ERCC6L: variants seen among roughly 807,000 people sequenced by gnomAD.
ERCC6L encodes ERCC excision repair 6 like, spindle assembly checkpoint helicase, also known as DNA excision repair protein ERCC-6-like.
ERCC6L carries 7 observed loss-of-function variants against 20.1 expected under a neutral mutation model. The ratio of observed to expected loss-of-function variants is 0.35; its 90% CI spans 0.20 to 0.65. The LOEUF (loss-of-function observed/expected upper bound fraction) is 0.65. Ranked by LOEUF, ERCC6L falls within the 30% of genes least tolerant of loss-of-function variation. The probability of loss-of-function intolerance (pLI) is 0.69; values close to 1 mark genes in which losing one functional copy is unlikely to be tolerated. For missense variants in ERCC6L, 592 were observed against 892.4 expected (o/e 0.66, Z 4.29); for synonymous variants, 278 against 331.3 (o/e 0.84, Z 1.75).
chrX:72,225,323 C>T (rs1418087953), intron 1 of ERCC6L, among the ~76,000 whole-genome samples: 1 of 112,151 alleles, frequency 8.9e-6, no homozygotes, highest in Non-Finnish European at 1.9e-5. Context: ...AATTAGACCT[C>T]TCCCAGCTAC....
chrX:72,205,100 A>G lies in ERCC6L; in HGVS notation c.3667T>C (p.Leu1223=). The change falls in exon 2 of 2, where the codon TTA becomes CTA. Residue 1223 remains leucine, a synonymous_variant. Coordinates refer to ENST00000334463, the MANE Select transcript of ERCC6L (RefSeq NM_017669.4). Reference sequence around the variant, plus strand: ...CTTTTTATGTCAAGCGCTTTAACTAAGCAGTTTAGGGCCTCCTGGATTTTT... The same window carrying G: ...CTTTTTATGTCAAGCGCTTTAACTAGGCAGTTTAGGGCCTCCTGGATTTTT... The part of the protein sequence containing the change: ...CGKIQEALNC[L]VKALDIKSAD... 1 of 1,211,674 alleles carries G rather than the reference A, an allele frequency of 8.3e-7. No individual in the cohort carries two copies. Among genetic ancestry groups the G allele is most frequent in the African/African-American group, 1.7e-5 (1 of 57,857 alleles).
intron 1 of ERCC6L, among the ~76,000 whole-genome samples, chrX:72,223,397 A>G (rs1014784326): frequency 9.5e-6 from 1 of 105,070 alleles, no homozygotes; most frequent in South Asian, 4.5e-4. Flanking sequence ...GACCTCCTAA[A>G]TGCGGCCTTT....
rs749542997 is a variant in ERCC6L, at chrX:72,238,948, T to TTTGGAGCTTGGAGCTTGGAGC, written c.-58_-38dup. Reference sequence around the variant, plus strand: ...TGGGTTCCAGTTACCCCGGCGGGAGTTTGGAGCTTGGAGCTTGGAGCTTGG... The same window carrying TTTGGAGCTTGGAGCTTGGAGC: ...TGGGTTCCAGTTACCCCGGCGGGAGTTTGGAGCTTGGAGCTTGGAGCTTGGAGCTTGGAGCTTGGAGCTTGG... On this transcript the variant is annotated 5_prime_UTR_variant, in exon 1 of 2. Transcript: ENST00000334463. The TTTGGAGCTTGGAGCTTGGAGC allele has an allele frequency of 1.8e-4, 204 of 1,113,297 alleles. No individual in the cohort carries two copies. The highest frequency in any genetic ancestry group is 1.1e-3 in the African/African-American group (63 of 54,946). The allele number at this position is 1,113,297 out of a possible 1,213,427, so 91.7% of individuals were successfully genotyped here. A position where few individuals can be genotyped will look rare whatever the true frequency, so the allele number is the denominator to read the frequency against.
At chrX:72,225,702 C>T (rs908665377) in intron 1 of ERCC6L, among the ~76,000 whole-genome samples, 2 of 111,708 alleles carry the variant, frequency 1.8e-5, no homozygotes, top group Non-Finnish European at 3.8e-5. Context: ...TGACCAACCA[C>T]TCACTCCCAC....
chrX:72,234,361 G>A (rs1173672986), intron 1 of ERCC6L, among the ~76,000 whole-genome samples: 2 of 111,824 alleles, frequency 1.8e-5, no homozygotes, highest in African/African-American at 6.5e-5. Flanking sequence ...TGAAGATTGA[G>A]AATTGACTGT....
intron 1 of ERCC6L, among the ~76,000 whole-genome samples, chrX:72,230,677 T>G (rs1432803283): frequency 8.9e-6 from 1 of 111,944 alleles, no homozygotes; most frequent in Non-Finnish European, 1.9e-5. Flanking sequence ...GCATGGACAT[T>G]CTGGGCTGGG....
At chrX:72,218,723 T>C (rs1207613689) in intron 1 of ERCC6L, among the ~76,000 whole-genome samples, 1 of 111,255 alleles carries the variant, frequency 9.0e-6, no homozygotes. Context: ...GCTCATCAAT[T>C]TCTACAAAAA....
intron 1 of ERCC6L, among the ~76,000 whole-genome samples, chrX:72,221,475 C>T (rs926974956): frequency 9.0e-6 from 1 of 111,088 alleles, no homozygotes; most frequent in Non-Finnish European, 1.9e-5. Context: ...AGAACAAAAA[C>T]AGACACCCTC....
chrX:72,238,983 CTTAGAGT>C lies in ERCC6L; in HGVS notation c.-79_-73del. On this transcript the variant is annotated 5_prime_UTR_variant, in exon 1 of 2. Transcript: ENST00000334463. The stretch of plus-strand genomic sequence containing the variant: ...GGAGCTTGGAGCTTGGAGCTTGGAG[CTTAGAGT>C]TTGGAGCTTGAATTTCGCTCACTCC... 7.2e-5 allele frequency: 74 copies of C among 1,026,393 alleles called. No homozygotes were observed. Among genetic ancestry groups the C allele is most frequent in the Non-Finnish European group, 9.4e-5 (70 of 747,356 alleles). The allele number at this position is 1,026,393 out of a possible 1,213,427, so 84.6% of individuals were successfully genotyped here. A position where few individuals can be genotyped will look rare whatever the true frequency, so the allele number is the denominator to read the frequency against.
intron 1 of ERCC6L, among the ~76,000 whole-genome samples, chrX:72,224,686 A>G (rs4240012): frequency 0.42 from 46,490 of 110,067 alleles, 8,911 homozygotes; most frequent in East Asian, 0.98. Context: ...TGGAGGTTGC[A>G]GCAAGCCAAG....
At chrX:72,217,916 A>G (rs981745736) in intron 1 of ERCC6L, among the ~76,000 whole-genome samples, 2 of 111,532 alleles carry the variant, frequency 1.8e-5, no homozygotes, top group Non-Finnish European at 3.8e-5. Flanking sequence ...CTTTGTCGTA[A>G]GTTTTGAATT....
chrX:72,221,381 T>C (rs1183533661), intron 1 of ERCC6L, among the ~76,000 whole-genome samples: 1 of 111,758 alleles, frequency 8.9e-6, no homozygotes, highest in Non-Finnish European at 1.9e-5. Context: ...GAAGAAATCT[T>C]GGGGATGCCC....
chrX:72,206,371 A>G lies in ERCC6L; in HGVS notation c.2396T>C (p.Leu799Ser), dbSNP rs2042820156. 3 of 1,208,496 alleles carry G rather than the reference A, an allele frequency of 2.5e-6. No homozygotes were observed. The highest frequency in any genetic ancestry group is 2.2e-6 in the Non-Finnish European group (2 of 894,421). The part of the protein sequence containing the change: ...LSSIKVNVTT[L>S]QDGKGTGSAD... ...ACTACCTGTACCTTTACCATCTTGC[A>G]AGGTGGTAACATTCACCTTTATACT... The change falls in exon 2 of 2, where the codon TTG becomes TCG. Residue 799 changes from leucine to serine, a missense_variant. Coordinates refer to ENST00000334463, the MANE Select transcript of ERCC6L (RefSeq NM_017669.4).
chrX:72,227,509 T>C (rs1168709536), intron 1 of ERCC6L, among the ~76,000 whole-genome samples: 1 of 111,972 alleles, frequency 8.9e-6, no homozygotes, highest in African/African-American at 3.3e-5. Context: ...TTTGAACTCA[T>C]GTATGGGAAA....
Position 72,204,901 on chromosome X carries a change from G to T in ERCC6L, c.*113C>A. The T allele has an allele frequency of 1.5e-6, 1 of 668,495 alleles. No homozygotes were observed. Among genetic ancestry groups the T allele is most frequent in the Non-Finnish European group, 2.1e-6 (1 of 468,695 alleles). The allele number at this position is 668,495 out of a possible 1,213,427, so 55.1% of individuals were successfully genotyped here. Reference sequence around the variant, plus strand: ...TTGCAGGGCAGAAGTTGCTTTTTGAGATCTTTCTTGCCTTAAGCCTGAATG... The same window carrying T: ...TTGCAGGGCAGAAGTTGCTTTTTGATATCTTTCTTGCCTTAAGCCTGAATG... On this transcript the variant is annotated 3_prime_UTR_variant, in exon 2 of 2. Transcript: ENST00000334463.
intron 1 of ERCC6L, among the ~76,000 whole-genome samples, chrX:72,220,393 C>T (rs531945738): frequency 8.1e-5 from 9 of 111,682 alleles, no homozygotes; most frequent in East Asian, 5.6e-4. Context: ...CCTCATTCAG[C>T]GGGAGCATCG....
At chrX:72,213,109 T>C (rs1296353297) in intron 1 of ERCC6L, among the ~76,000 whole-genome samples, 1 of 112,257 alleles carries the variant, frequency 8.9e-6, no homozygotes, top group Non-Finnish European at 1.9e-5. Context: ...GACCTGCTAA[T>C]CTCGGCGCAT....
chrX:72,208,326 A>G lies in ERCC6L; in HGVS notation c.441T>C (p.His147=), dbSNP rs1186445719. ...GATTGGTTGGCATGATCAGCAGCAC[A>G]TGATTCACAAGTGATGCATCAAACA... The part of the protein sequence containing the change: ...SGMFDASLVN[H]VLLIMPTNLI... Residue 147 remains histidine (H), a synonymous_variant, in exon 2 of 2, where the codon CAT becomes CAC. Transcript: ENST00000334463. 2 of 1,211,836 alleles carry G rather than the reference A, an allele frequency of 1.7e-6. No individual in the cohort carries two copies. The highest frequency in any genetic ancestry group is 1.7e-5 in the African/African-American group (1 of 57,863).
intron 1 of ERCC6L, among the ~76,000 whole-genome samples, chrX:72,215,562 TTAA>T (rs1465156576): frequency 8.9e-6 from 1 of 111,772 alleles, no homozygotes; most frequent in African/African-American, 3.2e-5. Context: ...TAGTAAAATG[TTAA>T]TAACAGAATC....
Sources: allele counts gnomAD v4.1 joint callset (sites outside exome capture counted in the v4.1 genomes callset), GRCh38; gene constraint gnomAD v4.1.1; transcripts MANE v1.5; gene names NCBI Gene and HGNC (gene_info 2026-07-23, HGNC 2026-07-21).